ARHGAP35: variants seen among roughly 807,000 people sequenced by gnomAD.
ARHGAP35 encodes the protein rho GTPase-activating protein 35.
Under a neutral mutation model 111.1 loss-of-function variants are expected in ARHGAP35, and 15 were observed. That is an observed-to-expected ratio of 0.13 (90% CI 0.09 to 0.21). ARHGAP35 has a LOEUF of 0.21. ARHGAP35 is among the 10% of genes least tolerant of loss of function. The pLI, the probability that ARHGAP35 is intolerant of heterozygous loss-of-function variation, is 1.00. For synonymous variants in ARHGAP35, 643 were observed against 710.3 expected, an observed-to-expected ratio of 0.91 and a Z score of 1.51; for missense variants, 1,262 against 1,873.0, an observed-to-expected ratio of 0.67 and a Z score of 6.02.
chr19:46,961,901 G>C (rs1245885346), intron 3 of ARHGAP35, among the ~76,000 whole-genome samples: 1 of 152,074 alleles, frequency 6.6e-6, no homozygotes, highest in African/African-American at 2.4e-5. Context: ...CTGCCCTCCA[G>C]CCTGTGTGAC....
chr19:46,923,282 T>C (rs2056216249), intron 2 of ARHGAP35, among the ~76,000 whole-genome samples: 1 of 152,090 alleles, frequency 6.6e-6, no homozygotes, highest in South Asian at 2.1e-4. Flanking sequence ...TTTTTTTATT[T>C]TATTTTATTT....
chr19:46,938,799 A>G (rs1434006334), intron 3 of ARHGAP35, among the ~76,000 whole-genome samples: 1 of 151,984 alleles, frequency 6.6e-6, no homozygotes, highest in East Asian at 1.9e-4. Context: ...CTGGGATTAC[A>G]GGTGCACACC....
intron 2 of ARHGAP35, among the ~76,000 whole-genome samples, chr19:46,924,051 T>G (rs1204039991): frequency 6.6e-6 from 1 of 152,218 alleles, no homozygotes; most frequent in Non-Finnish European, 1.5e-5. Flanking sequence ...CAGCAGATTA[T>G]GATATATAGA....
chr19:46,879,607 T>TAAATAAATAAATAAATAAATAA (rs2055947848), intron 1 of ARHGAP35, among the ~76,000 whole-genome samples: 1 of 79,672 alleles, frequency 1.3e-5, no homozygotes, highest in African/African-American at 4.7e-5. Flanking sequence ...AATAAATAAA[T>TAAATAAATAAATAAATAAATAA]AAATAAATAA....
At chr19:46,967,023 G>A (rs2056518916) in intron 3 of ARHGAP35, among the ~76,000 whole-genome samples, 1 of 152,094 alleles carries the variant, frequency 6.6e-6, no homozygotes, top group Admixed American at 6.5e-5. Context: ...GTGTAGAGGT[G>A]AGAGGCCGTG....
intron 1 of ARHGAP35, among the ~76,000 whole-genome samples, chr19:46,877,476 A>C (rs999993484): frequency 2.0e-5 from 3 of 151,848 alleles, no homozygotes; most frequent in Admixed American, 6.6e-5. Context: ...AGTCAGGAGA[A>C]TCACTTGAAC....
rs752169900 is a variant in ARHGAP35 at position 46,919,729 on chromosome 19, A to G, written c.1054A>G (p.Ile352Val). 34 of 1,613,910 alleles carry G rather than the reference A, an allele frequency of 2.1e-5. No individual in the cohort carries two copies. The highest frequency in any genetic ancestry group is 1.7e-4 in the Admixed American group (10 of 60,002). ...AALPLAFEAL[I>V]PNLDEIDHLS... ...CCTGCCATTAGCTTTTGAAGCTCTT[A>G]TACCTAATCTAGATGAAATAGACCA... is the stretch of plus-strand genomic sequence containing the variant. Residue 352 changes from isoleucine to valine, a missense_variant, in exon 2 of 7, where the codon ATA (isoleucine) becomes GTA (valine). By Grantham distance (29) the Ile-to-Val change is conservative (BLOSUM62 3). Around this residue, in one of 8 missense-constraint regions of ARHGAP35, gnomAD observed 328 missense variants for 440.8 expected, o/e 0.74. Transcript: ENST00000672722. This position sits in a 1 kb window ranked among gnomAD's most constrained non-coding sequence, Gnocchi z 6.2.
At chr19:46,870,276 T>C (rs972337666) in intron 1 of ARHGAP35, among the ~76,000 whole-genome samples, 6 of 151,550 alleles carry the variant, frequency 4.0e-5, no homozygotes, top group Admixed American at 1.3e-4. Context: ...GCTGTCAATG[T>C]ATAAGAAATT....
At chr19:46,864,672 T>C (rs2055846030) in intron 1 of ARHGAP35, among the ~76,000 whole-genome samples, 1 of 152,252 alleles carries the variant, frequency 6.6e-6, no homozygotes, top group Non-Finnish European at 1.5e-5. Flanking sequence ...CTTGAACTTT[T>C]TAAAATTTTC....
At position 46,975,171 on chromosome 19, in the gene ARHGAP35, G is replaced by A. The variant is rs116082147; in HGVS notation, c.3827-12818G>A. On this transcript the variant is annotated intron_variant, in intron 3 of 6. Coordinates refer to ENST00000672722, the MANE Select transcript of ARHGAP35 (RefSeq NM_004491.5). ...AGGCATGAGCCACCATGCCTGGCCA[G>A]AAGGGGCTTGTTAATGAGTAACAAA... Among the ~76,000 whole-genome samples, 1,201 of 152,278 alleles carry A rather than the reference G, an allele frequency of 7.9e-3. 8 individuals carry two copies. Among genetic ancestry groups the A allele is most frequent in the African/African-American group, 0.027 (1,125 of 41,572 alleles).
intron 3 of ARHGAP35, among the ~76,000 whole-genome samples, chr19:46,942,817 G>GAAAAAAA (rs770589909): frequency 7.1e-6 from 1 of 140,030 alleles, no homozygotes; most frequent in Non-Finnish European, 1.5e-5. Context: ...CCCTGTCTCA[G>GAAAAAAA]AAAAAAAAAA....
In ARHGAP35 at chr19:46,999,262, C is replaced by T. The variant is rs2056732608; in HGVS notation, c.4037-42C>T. 1 of 1,453,800 alleles carries T rather than the reference C, an allele frequency of 6.9e-7. No individual in the cohort carries two copies. Among genetic ancestry groups the T allele is most frequent in the African/African-American group, 1.4e-5 (1 of 71,000 alleles). 90.1% of individuals were successfully genotyped at this position (1,453,800 alleles called of 1,614,324 possible). ...AGCACGCCCTGGGGTGGCCACCAGC[C>T]TCGGCCATGAAAGGCAAGGCTTTGG... On this transcript the variant is annotated intron_variant, in intron 5 of 6. Transcript: ENST00000672722. The surrounding 1 kb of genome is among the most constrained non-coding windows in gnomAD (Gnocchi z 5.4).
Position 47,004,465 on chromosome 19 carries a change from A to G in ARHGAP35, c.*3777A>G, listed in dbSNP as rs2056765826. On this transcript the variant is annotated 3_prime_UTR_variant, in exon 7 of 7. Coordinates refer to ENST00000672722, the MANE Select transcript of ARHGAP35 (RefSeq NM_004491.5). ...TACAGGCCTAAGTTATTGTTTGCAT[A>G]AAAAGAATCATGTTCCCTGTGTACA... 1 of 152,632 alleles carries G rather than the reference A, an allele frequency of 6.6e-6. No homozygotes were observed. The highest frequency in any genetic ancestry group is 1.5e-5 in the Non-Finnish European group (1 of 68,054). 9.5% of individuals were successfully genotyped at this position (152,632 alleles called of 1,614,324 possible).
chr19:46,995,564 T>G (rs2056702920), intron 5 of ARHGAP35, among the ~76,000 whole-genome samples: 1 of 152,208 alleles, frequency 6.6e-6, no homozygotes, highest in Non-Finnish European at 1.5e-5. Flanking sequence ...CTGGGTCCCA[T>G]CCACCTTTGC....
chr19:46,884,652 A>G (rs902435790), intron 1 of ARHGAP35, among the ~76,000 whole-genome samples: 9 of 151,500 alleles, frequency 5.9e-5, no homozygotes, highest in Non-Finnish European at 8.8e-5. Context: ...ATGTGCCACC[A>G]TGTTGTATTT....
intron 3 of ARHGAP35, among the ~76,000 whole-genome samples, chr19:46,953,736 G>A (rs988041131): frequency 1.3e-5 from 2 of 152,186 alleles, no homozygotes; most frequent in African/African-American, 4.8e-5. Context: ...ACACTCCAGT[G>A]TGGGGGCAGC....
rs2056174128 is a variant in ARHGAP35, at chr19:46,918,074, C to G, written c.-188-414C>G. Among the ~76,000 whole-genome samples, 1 of 152,174 alleles carries G rather than the reference C, an allele frequency of 6.6e-6. No homozygotes were observed. The highest frequency in any genetic ancestry group is 2.4e-5 in the African/African-American group (1 of 41,452). The stretch of plus-strand genomic sequence containing the variant: ...TACCATACTTAATTATTGTGGCGCT[C>G]AAATTGTCCCAGAGTTGGCCAGTGG... On this transcript the variant is annotated intron_variant, in intron 1 of 6. Transcript: ENST00000672722. This position sits in a 1 kb window ranked among gnomAD's most constrained non-coding sequence, Gnocchi z 5.4.
At position 46,921,746 on chromosome 19, in the gene ARHGAP35, T is replaced by A. The variant is rs1490699875; in HGVS notation, c.3071T>A (p.Phe1024Tyr). Residue 1024 changes from phenylalanine (F) to tyrosine (Y), a missense_variant, in exon 2 of 7, where the codon TTC becomes TAC. Physicochemically the swap from Phe to Tyr is conservative, Grantham distance 22 (BLOSUM62 3). Around this residue, in one of 8 missense-constraint regions of ARHGAP35, gnomAD observed 579 missense variants for 716.9 expected, o/e 0.81. Transcript: ENST00000672722. This position sits in a 1 kb window ranked among gnomAD's most constrained non-coding sequence, Gnocchi z 4.3. ...CTGGAGGGAAATGATGGGCTGTCTT[T>A]CATTATGAGCAATTTTGAGAGTAAA... Reference protein sequence around the residue: ...MELEGNDGLSFIMSNFESKLN... With the variant: ...MELEGNDGLSYIMSNFESKLN... 1.9e-6 allele frequency: 3 copies of A among 1,614,006 alleles called. No individual in the cohort carries two copies. The South Asian group carries it at 3.3e-5, about 18-fold the overall frequency.
chr19:46,979,563 G>A (rs1450041855), intron 3 of ARHGAP35, among the ~76,000 whole-genome samples: 2 of 152,226 alleles, frequency 1.3e-5, no homozygotes, highest in Non-Finnish European at 2.9e-5. Context: ...CTACTTGACG[G>A]TTCATGGCAG....
Sources: allele counts gnomAD v4.1 joint callset (sites outside exome capture counted in the v4.1 genomes callset), GRCh38; gene constraint gnomAD v4.1.1; regional missense constraint gnomAD v4.1.1; non-coding constraint Gnocchi (gnomAD v3.1); transcripts MANE v1.5; gene names NCBI Gene and HGNC (gene_info 2026-07-23, HGNC 2026-07-21).